Variants in FNDC7 observed in about 807,000 individuals in gnomAD.
FNDC7 encodes the protein fibronectin type III domain containing 7, also known as fibronectin type III domain-containing protein 7.
In FNDC7, 66 loss-of-function variants were observed where a neutral mutation model predicts 74.2. The observed-to-expected ratio is 0.89, with a 90% confidence interval of 0.73 to 1.09. The LOEUF is 1.09. FNDC7 is among the 50% of genes least tolerant of loss of function. The probability of loss-of-function intolerance (pLI) is 0.00; values close to 1 mark genes in which losing one functional copy is unlikely to be tolerated. For missense variants in FNDC7, 829 were observed against 893.4 expected (o/e 0.93, Z 0.92); for synonymous variants, 307 against 330.2 (o/e 0.93, Z 0.76).
chr1:108,738,344 C>G (rs1477919475), intron 11 of FNDC7, among the ~76,000 whole-genome samples: 1 of 152,036 alleles, frequency 6.6e-6, no homozygotes, highest in East Asian at 1.9e-4. Flanking sequence ...TTTGGTTGCC[C>G]CCACAGAGAT....
chr1:108,729,425 T>G (rs1661295501), intron 8 of FNDC7, among the ~76,000 whole-genome samples: 1 of 152,090 alleles, frequency 6.6e-6, no homozygotes, highest in South Asian at 2.1e-4. Context: ...GGTGGGCACC[T>G]ATAGTCCTGG....
At chr1:108,736,776 T>C (rs1355907214) in intron 10 of FNDC7, among the ~76,000 whole-genome samples, 1 of 152,174 alleles carries the variant, frequency 6.6e-6, no homozygotes, top group Non-Finnish European at 1.5e-5. Context: ...GTAAAAGCCA[T>C]ACATTTGGGA....
At chr1:108,725,220 A>T (rs1661184122) in intron 5 of FNDC7, among the ~76,000 whole-genome samples, 1 of 152,216 alleles carries the variant, frequency 6.6e-6, no homozygotes. Flanking sequence ...GTGATCTTAG[A>T]CAACTTACCA....
Position 108,737,532 on chromosome 1 carries a change from AT to A in FNDC7, c.2170+13del. The A allele has an allele frequency of 3.1e-6, 5 of 1,588,320 alleles. No homozygotes were observed. Among genetic ancestry groups the A allele is most frequent in the African/African-American group, 2.7e-5 (2 of 73,276 alleles). On this transcript the variant is annotated intron_variant, in intron 11 of 12. Transcript: ENST00000370017. ...GAAGTACACTTGGAATGGGTAAGTC[AT>A]TTTTCTCATGGATAAAATAGAACAG...
intron 10 of FNDC7, among the ~76,000 whole-genome samples, chr1:108,734,961 T>C (rs1380217129): frequency 6.6e-6 from 1 of 152,184 alleles, no homozygotes; most frequent in Non-Finnish European, 1.5e-5. Context: ...CCCAAATCTC[T>C]ATCTACAACT....
chr1:108,739,238 G>A (rs978753477), intron 11 of FNDC7, among the ~76,000 whole-genome samples: 8 of 152,282 alleles, frequency 5.3e-5, no homozygotes, highest in Admixed American at 1.3e-4. Context: ...GGTGGCTCAC[G>A]CCTGTAATCT....
intron 2 of FNDC7, among the ~76,000 whole-genome samples, chr1:108,716,539 G>T (rs1029596052): frequency 5.3e-5 from 8 of 152,098 alleles, no homozygotes; most frequent in Non-Finnish European, 8.8e-5. Context: ...AATGGCAAAA[G>T]AGACTATCCT....
At chr1:108,741,742 T>G (rs1232286611) in intron 11 of FNDC7, 31 bp from the exon 12 acceptor site, 1 of 1,611,534 alleles carries the variant, frequency 6.2e-7, no homozygotes, top group Admixed American at 1.7e-5. Flanking sequence ...TGAATGCATC[T>G]TTTACTGCTT....
At chr1:108,723,007 A>G (rs1661131467) in intron 5 of FNDC7, among the ~76,000 whole-genome samples, 1 of 152,088 alleles carries the variant, frequency 6.6e-6, no homozygotes, top group Non-Finnish European at 1.5e-5. Context: ...GGATATTTCT[A>G]GTTCTGAACA....
intron 11 of FNDC7, among the ~76,000 whole-genome samples, chr1:108,738,780 C>T (rs1386079283): frequency 1.3e-5 from 2 of 152,250 alleles, no homozygotes; most frequent in African/African-American, 2.4e-5. Context: ...CTTTTCAATT[C>T]CTGTCCCACC....
At chr1:108,726,181 T>C (rs913450845) in intron 6 of FNDC7, among the ~76,000 whole-genome samples, 177 bp downstream of exon 6, 14 of 152,204 alleles carry the variant, frequency 9.2e-5, no homozygotes, top group South Asian at 2.1e-4. Flanking sequence ...TTTGTGGACC[T>C]AAGCATAACT....
At chr1:108,714,605 ATTTTTT>A (rs71098692) in intron 2 of FNDC7, among the ~76,000 whole-genome samples, 1 of 102,166 alleles carries the variant, frequency 9.8e-6, no homozygotes. Flanking sequence ...ACAAAGTGGC[ATTTTTT>A]TTTTTTTTTT....
rs974924606 is a variant in FNDC7 at position 108,741,953 on chromosome 1, T to C, written c.*66T>C. On this transcript the variant is annotated 3_prime_UTR_variant, in exon 13 of 13. Transcript: ENST00000370017. ...TGTCTCATTTGTTAGTGATTAGAGATGGAAAAGATCTACTAGAATGTAGAA... is the reference window on the plus strand; with the variant it reads ...TGTCTCATTTGTTAGTGATTAGAGACGGAAAAGATCTACTAGAATGTAGAA... The C allele has an allele frequency of 8.9e-6, 7 of 785,792 alleles. No homozygotes were observed. The highest frequency in any genetic ancestry group is 7.6e-5 in the Admixed American group (3 of 39,640). The allele number at this position is 785,792 out of a possible 1,614,324, so 48.7% of individuals were successfully genotyped here.
chr1:108,727,747 T>C, intron 6 of FNDC7, 61 bp from the exon 7 acceptor site: 1 of 1,586,524 alleles, frequency 6.3e-7, no homozygotes, highest in Non-Finnish European at 8.6e-7. Context: ...CAGGACACAG[T>C]GTACCCCCAG....
Position 108,730,719 on chromosome 1 carries a change from C to G in FNDC7, c.1670C>G (p.Ser557Ter), listed in dbSNP as rs1401136503. 6.2e-7 allele frequency: 1 copy of G among 1,606,208 alleles called. No homozygotes were observed. The change falls in exon 9 of 13, where the codon TCA becomes TGA. Residue 557 changes from serine to a stop codon, truncating the protein, a stop_gained. Transcript: ENST00000370017. LOFTEE classifies it high-confidence loss of function. Reference sequence around the variant, plus strand: ...CTGACAGTAACTCAAATCACCCAGTCAGTAATCAACGTGAGCTGGACTATT... The same window carrying G: ...CTGACAGTAACTCAAATCACCCAGTGAGTAATCAACGTGAGCTGGACTATT... ...TGLTVTQITQ[S>*]VINVSWTIGR...
At chr1:108,732,155 C>T (rs542655395) in intron 9 of FNDC7, among the ~76,000 whole-genome samples, 34 of 152,150 alleles carry the variant, frequency 2.2e-4, no homozygotes, top group African/African-American at 7.9e-4. Context: ...GTCAGGAGAT[C>T]AAGACCATCC....
intron 10 of FNDC7, 80 bp downstream of exon 10, chr1:108,733,612 C>A: frequency 4.4e-6 from 6 of 1,350,320 alleles, no homozygotes; most frequent in Non-Finnish European, 6.2e-6. Flanking sequence ...AACTTATTTA[C>A]TATGTATGAA....
intron 9 of FNDC7, 21 bp from the exon 10 acceptor site, chr1:108,733,251 T>G (rs761578832): frequency 1.3e-6 from 2 of 1,595,500 alleles, no homozygotes; most frequent in East Asian, 2.3e-5. Flanking sequence ...TGATTTTGTG[T>G]TTGTTATTTT....
At chr1:108,713,275 A>G (rs552091640) in intron 1 of FNDC7, among the ~76,000 whole-genome samples, 2 of 152,342 alleles carry the variant, frequency 1.3e-5, no homozygotes, top group South Asian at 2.1e-4. Context: ...AGGGGAAAAA[A>G]ATGAAATAGT....
Sources: gnomAD v4.1 joint callset for allele counts (sites outside exome capture counted in the v4.1 genomes callset) on GRCh38, gnomAD v4.1.1 for gene constraint, MANE v1.5 for transcripts, NCBI Gene and HGNC (gene_info 2026-07-23, HGNC 2026-07-21) for gene names.